The following CLEC4F variants were observed in gnomAD, a reference collection of about 807,000 sequenced individuals.
CLEC4F encodes the protein C-type (calcium dependent, carbohydrate-recognition domain) lectin, superfamily member 13.
CLEC4F carries 45 observed loss-of-function variants against 53.4 expected under a neutral mutation model. The observed-to-expected ratio is 0.84, with a 90% CI of 0.66 to 1.08. The LOEUF is 1.08. CLEC4F is among the 50% of genes least tolerant of loss of function. The probability of loss-of-function intolerance (pLI) is 0.00; values close to 1 mark genes in which losing one functional copy is unlikely to be tolerated. For missense variants in CLEC4F, 753 were observed against 698.2 expected, an observed-to-expected ratio of 1.08 and a Z score of -0.88; for synonymous variants, 245 against 257.5, an observed-to-expected ratio of 0.95 and a Z score of 0.46.
chr2:70,814,218 T>C (rs1044264210), intron 4 of CLEC4F, among the ~76,000 whole-genome samples: 10 of 152,128 alleles, frequency 6.6e-5, no homozygotes, highest in Non-Finnish European at 1.2e-4. Context: ...GATTTTTTTT[T>C]CCCTATGAGC....
intron 3 of CLEC4F, among the ~76,000 whole-genome samples, chr2:70,817,631 T>A (rs1676996953): frequency 6.6e-6 from 1 of 152,074 alleles, no homozygotes; most frequent in Non-Finnish European, 1.5e-5. Context: ...ACCACAAACA[T>A]AAGTTTTATG....
At chr2:70,810,060 C>T (rs1676464539) in intron 5 of CLEC4F, among the ~76,000 whole-genome samples, 1 of 151,770 alleles carries the variant, frequency 6.6e-6, no homozygotes, top group Non-Finnish European at 1.5e-5. Context: ...TTTAGGATAT[C>T]TAAACTCAGG....
intron 4 of CLEC4F, among the ~76,000 whole-genome samples, chr2:70,813,645 C>CTT (rs1676735910): frequency 4.2e-4 from 7 of 16,612 alleles, no homozygotes; most frequent in African/African-American, 4.5e-4. Flanking sequence ...CTTTCTTTCG[C>CTT]TCTCTCTCTT....
At chr2:70,818,939 G>A (rs1339481577) in intron 3 of CLEC4F, among the ~76,000 whole-genome samples, 1 of 152,000 alleles carries the variant, frequency 6.6e-6, no homozygotes, top group African/African-American at 2.4e-5. Flanking sequence ...GACTAGCAAA[G>A]AACAAAGAGT....
chr2:70,809,732 G>A lies in CLEC4F; in HGVS notation c.1658+7C>T. The A allele has an allele frequency of 6.2e-7, 1 of 1,608,074 alleles. No individual in the cohort carries two copies. Among genetic ancestry groups the A allele is most frequent in the Non-Finnish European group, 8.5e-7 (1 of 1,174,578 alleles). ...CTGGGACAGCGCCAGATGGTGGCTA[G>A]ACTCACGCTTTGTTCTGGGCGGCGT... is the stretch of plus-strand genomic sequence containing the variant. On this transcript the variant is annotated splice_region_variant and intron_variant, in intron 6 of 6. Coordinates refer to ENST00000272367, the MANE Select transcript of CLEC4F (RefSeq NM_173535.3).
chr2:70,811,480 C>T (rs1255326764), intron 5 of CLEC4F: 3 of 531,000 alleles, frequency 5.6e-6, no homozygotes, highest in African/African-American at 1.9e-5. Context: ...ACCATAGTGC[C>T]AGCACCTCCC....
intron 4 of CLEC4F, among the ~76,000 whole-genome samples, chr2:70,812,812 A>G (rs1441597715): frequency 6.6e-6 from 1 of 151,964 alleles, no homozygotes; most frequent in African/African-American, 2.4e-5. Context: ...TGGCTTGGGC[A>G]CTCCTGGGAG....
intron 4 of CLEC4F, among the ~76,000 whole-genome samples, chr2:70,813,531 CTT>C (rs1161381660): frequency 1.7e-4 from 25 of 149,602 alleles, no homozygotes; most frequent in African/African-American, 5.7e-4. Context: ...TTCTTTCTTT[CTT>C]TCTTTTTTTC....
chr2:70,820,540 C>T lies in CLEC4F; in HGVS notation c.-17G>A. 1 of 1,576,418 alleles carries T rather than the reference C, an allele frequency of 6.3e-7. No individual in the cohort carries two copies. Among genetic ancestry groups the T allele is most frequent in the Non-Finnish European group, 8.6e-7 (1 of 1,159,298 alleles). ...ACCGTCCATCTCTGCTTCCTTGATC[C>T]TCCAGCACTGCTCCCAGCCACTGGC... On this transcript the variant is annotated 5_prime_UTR_variant, in exon 1 of 7. Transcript: ENST00000272367.
intron 5 of CLEC4F, chr2:70,810,680 A>G: frequency 8.2e-6 from 2 of 243,250 alleles, no homozygotes; most frequent in Non-Finnish European, 1.7e-5. Flanking sequence ...GGATACAAAA[A>G]CCTATACTAA....
intron 5 of CLEC4F, chr2:70,811,215 T>C: frequency 1.3e-6 from 1 of 781,824 alleles, no homozygotes; most frequent in Non-Finnish European, 2.2e-6. Flanking sequence ...CACGCTGAAG[T>C]TTGACAGCAA....
chr2:70,816,893 C>G lies in CLEC4F; in HGVS notation c.488G>C (p.Ser163Thr). The change falls in exon 4 of 7, where the codon AGT becomes ACT. Residue 163 changes from serine (S) to threonine (T), a missense_variant. Ser to Thr is a moderately conservative substitution (Grantham distance 58). Transcript: ENST00000272367. ...ACTCCTTAACATCTGTGTCTGCAAA[C>G]TCAATGTAGTGGCATCCTTTAGAAC... Reference protein sequence around the residue: ...KGVLKDATTLSLQTQMLRSSL... With the variant: ...KGVLKDATTLTLQTQMLRSSL... The G allele has an allele frequency of 6.2e-7, 1 of 1,614,202 alleles. No homozygotes were observed. Among genetic ancestry groups the G allele is most frequent in the Non-Finnish European group, 8.5e-7 (1 of 1,180,026 alleles).
intron 5 of CLEC4F, among the ~76,000 whole-genome samples, chr2:70,810,594 G>C (rs1416628104): frequency 2.4e-5 from 3 of 123,914 alleles, no homozygotes; most frequent in Non-Finnish European, 4.8e-5. Flanking sequence ...ACTCCAGCCT[G>C]GGCAATAGAG....
intron 3 of CLEC4F, among the ~76,000 whole-genome samples, chr2:70,818,788 A>C (rs139041852): frequency 3.3e-5 from 5 of 151,248 alleles, no homozygotes; most frequent in Admixed American, 6.6e-5. Flanking sequence ...GCCTTGGATT[A>C]GGCAGATTTC....
At chr2:70,824,555 G>T (rs111927808), upstream of CLEC4F, among the ~76,000 whole-genome samples, 11 of 140,810 alleles carry the variant, frequency 7.8e-5, no homozygotes, top group African/African-American at 2.9e-4. Context: ...TAGAACTGGG[G>T]CAGGAAATAC....
At chr2:70,819,471 G>A (rs1035669894) in intron 2 of CLEC4F, 27 bp from the exon 3 acceptor site, 3 of 1,600,048 alleles carry the variant, frequency 1.9e-6, no homozygotes, top group Non-Finnish European at 2.6e-6. Context: ...TTCCAGGTCA[G>A]CAAATCCCCA....
intron 4 of CLEC4F, among the ~76,000 whole-genome samples, chr2:70,813,623 CTTTCTTTCTTTCTT>C (rs1558612688): frequency 0.012 from 1,355 of 113,674 alleles, 38 homozygotes; most frequent in African/African-American, 0.042. Context: ...TTCTTTCTTT[CTTTCTTTCTTTCTT>C]TCTTTCGCTC....
At chr2:70,809,660 C>T in intron 6 of CLEC4F, 79 bp downstream of exon 6, 3 of 1,100,756 alleles carry the variant, frequency 2.7e-6, no homozygotes, top group Non-Finnish European at 4.2e-6. Context: ...CTACCACTTA[C>T]TGGGAAGGGA....
At chr2:70,815,598 T>G (rs1676850688) in intron 4 of CLEC4F, among the ~76,000 whole-genome samples, 1 of 152,214 alleles carries the variant, frequency 6.6e-6, no homozygotes, top group African/African-American at 2.4e-5. Context: ...GGATCCTCAC[T>G]GTGATGCAAA....
Sources: gnomAD v4.1 joint callset for allele counts (sites outside exome capture counted in the v4.1 genomes callset) on GRCh38, gnomAD v4.1.1 for gene constraint, MANE v1.5 for transcripts, NCBI Gene and HGNC (gene_info 2026-07-23, HGNC 2026-07-21) for gene names.